Variants in IFT81 observed in about 807,000 individuals in gnomAD.
The protein encoded by IFT81 is intraflagellar transport 81.
In IFT81, 72 loss-of-function variants were observed where a neutral mutation model predicts 102.6. The ratio of observed to expected loss-of-function variants is 0.70; its 90% CI spans 0.58 to 0.85. The LOEUF (loss-of-function observed/expected upper bound fraction) is 0.85, where lower values mean the gene tolerates loss of function less well. Among genes scored for constraint, IFT81 ranks in the 40% least tolerant of loss-of-function variants. The probability of loss-of-function intolerance (pLI) is 0.00; values close to 1 mark genes in which losing one functional copy is unlikely to be tolerated. For missense variants in IFT81, 723 were observed against 787.3 expected (o/e 0.92, Z 0.98); for synonymous variants, 237 against 242.7 (o/e 0.98, Z 0.22).
At chr12:110,202,372 A>T (rs1189698639) in intron 14 of IFT81, among the ~76,000 whole-genome samples, 1 of 152,212 alleles carries the variant, frequency 6.6e-6, no homozygotes, top group African/African-American at 2.4e-5. Context: ...CTTTGAAACA[A>T]CTTAAAGAAA....
intron 8 of IFT81, among the ~76,000 whole-genome samples, chr12:110,141,107 C>T (rs928446940): frequency 6.6e-6 from 1 of 152,114 alleles, no homozygotes; most frequent in Non-Finnish European, 1.5e-5. Context: ...TCACCGCAAC[C>T]TCTGCCTCCC....
chr12:110,182,833 G>A (rs1897362242), intron 12 of IFT81, among the ~76,000 whole-genome samples: 3 of 152,184 alleles, frequency 2.0e-5, no homozygotes, highest in Admixed American at 2.0e-4. Flanking sequence ...TGGAAGGGAA[G>A]CATAATTCCC....
chr12:110,134,393 T>C (rs1894360797), intron 5 of IFT81, among the ~76,000 whole-genome samples: 1 of 152,210 alleles, frequency 6.6e-6, no homozygotes, highest in South Asian at 2.1e-4. Flanking sequence ...TTGTTTGTTT[T>C]TATAACAAAA....
chr12:110,216,899 G>C (rs1280641657), intron 18 of IFT81: 2 of 199,478 alleles, frequency 1.0e-5, no homozygotes, highest in African/African-American at 4.8e-5. Flanking sequence ...TACTGATCCT[G>C]TTGGTTTCTT....
At chr12:110,192,860 G>A (rs1237541202) in intron 14 of IFT81, among the ~76,000 whole-genome samples, 154 bp downstream of exon 14, 1 of 152,064 alleles carries the variant, frequency 6.6e-6, no homozygotes, top group African/African-American at 2.4e-5. Context: ...CTTCAAAAGA[G>A]AATTAAAACA....
intron 12 of IFT81, among the ~76,000 whole-genome samples, chr12:110,184,619 G>A (rs1483409352): frequency 2.6e-5 from 4 of 152,220 alleles, no homozygotes; most frequent in Non-Finnish European, 5.9e-5. Context: ...AGCAGGAGGA[G>A]GCAGGGAAAG....
rs79458840 is a variant in IFT81 at position 110,192,555 on chromosome 12, A to C, written c.1468-62A>C. The C allele has an allele frequency of 4.0e-3, 3,321 of 825,604 alleles. 81 individuals carry two copies. In the African/African-American group the frequency reaches 0.053, roughly 13 times the overall value. 51.1% of individuals were successfully genotyped at this position (825,604 alleles called of 1,614,324 possible). A position where few individuals can be genotyped will look rare whatever the true frequency, so the allele number is the denominator to read the frequency against. ...AACACTGAAATTAATATCTTTATGC[A>C]TGTAGTATTTTTCTTTTTTTGAATT... On this transcript the variant is annotated intron_variant, in intron 13 of 18. Coordinates refer to ENST00000242591, the MANE Select transcript of IFT81 (RefSeq NM_014055.4).
Position 110,143,543 on chromosome 12 carries a change from A to G in IFT81, c.943A>G (p.Lys315Glu). ...GHSDLLELES[K>E]INEINTEINQ... The stretch of plus-strand genomic sequence containing the variant: ...TTCTGATCTTCTTGAACTTGAATCT[A>G]AAGTAAGTGAGAATCATCTTTTTAT... The change falls in exon 9 of 19, where the codon AAA becomes GAA. Residue 315 changes from lysine to glutamate, a missense_variant and splice_region_variant. Coordinates refer to ENST00000242591, the MANE Select transcript of IFT81 (RefSeq NM_014055.4). 6.5e-7 allele frequency: 1 copy of G among 1,541,006 alleles called. No individual in the cohort carries two copies. The highest frequency in any genetic ancestry group is 8.7e-7 in the Non-Finnish European group (1 of 1,155,658).
intron 10 of IFT81, among the ~76,000 whole-genome samples, chr12:110,156,629 T>TG (rs1289193456): frequency 3.3e-5 from 5 of 152,108 alleles, no homozygotes; most frequent in Non-Finnish European, 7.4e-5. Flanking sequence ...CCCGAGTAGC[T>TG]GGGACTACAG....
At chr12:110,192,036 T>G (rs1312074764) in intron 13 of IFT81, among the ~76,000 whole-genome samples, 1 of 152,030 alleles carries the variant, frequency 6.6e-6, no homozygotes, top group Non-Finnish European at 1.5e-5. Flanking sequence ...CCGGGCGTGG[T>G]GTCGCACTCC....
At chr12:110,162,104 T>G (rs573904588) in intron 10 of IFT81, among the ~76,000 whole-genome samples, 8 of 152,264 alleles carry the variant, frequency 5.3e-5, no homozygotes, top group African/African-American at 1.9e-4. Context: ...TTTATTAGAA[T>G]GGCCCAAATA....
In IFT81 at chr12:110,192,674, A is replaced by G. The variant is rs1897849626; in HGVS notation, c.1525A>G (p.Lys509Glu). ...GAAGTCAGCTCTTGCCTCAGTTATAAAAGAGCTACGACAGTTGCGTCAAAA... is the reference window on the plus strand; with the variant it reads ...GAAGTCAGCTCTTGCCTCAGTTATAGAAGAGCTACGACAGTTGCGTCAAAA... ...EKKSALASVI[K>E]ELRQLRQKYQ... Residue 509 changes from lysine to glutamate, a missense_variant, in exon 14 of 19, where the codon AAA becomes GAA. By Grantham distance (56) the Lys-to-Glu change is moderately conservative (BLOSUM62 1). Coordinates refer to ENST00000242591, the MANE Select transcript of IFT81 (RefSeq NM_014055.4). 5 of 1,591,604 alleles carry G rather than the reference A, an allele frequency of 3.1e-6. No individual in the cohort carries two copies. The highest frequency in any genetic ancestry group is 3.4e-6 in the Non-Finnish European group (4 of 1,169,304).
chr12:110,190,836 T>C (rs1200750828), intron 12 of IFT81, 84 bp from the exon 13 acceptor site: 3 of 1,216,320 alleles, frequency 2.5e-6, no homozygotes, highest in Non-Finnish European at 3.3e-6. Context: ...TACAATTTTT[T>C]GTTATGTATG....
intron 11 of IFT81, 21 bp from the exon 12 acceptor site, chr12:110,180,401 C>T (rs747794658): frequency 1.3e-6 from 2 of 1,520,274 alleles, no homozygotes; most frequent in Non-Finnish European, 1.8e-6. Flanking sequence ...CATTAGATTA[C>T]ATATTGTGTT....
At chr12:110,167,935 T>TCC in intron 11 of IFT81, 1 of 232,804 alleles carries the variant, frequency 4.3e-6, no homozygotes, top group Non-Finnish European at 8.7e-6. Flanking sequence ...TACTGCAGCC[T>TCC]GAAACTCCTA....
At chr12:110,152,295 T>C (rs1043917261) in intron 10 of IFT81, among the ~76,000 whole-genome samples, 3 of 152,212 alleles carry the variant, frequency 2.0e-5, no homozygotes, top group Non-Finnish European at 4.4e-5. Context: ...TTCCCTTTTC[T>C]TCACATTGTC....
Position 110,132,605 on chromosome 12 carries a change from T to G in IFT81, c.488T>G (p.Ile163Arg), listed in dbSNP as rs1894237201. Residue 163 changes from isoleucine to arginine, a missense_variant, in exon 5 of 19, where the codon ATA becomes AGA. Coordinates refer to ENST00000242591, the MANE Select transcript of IFT81 (RefSeq NM_014055.4). ...CATAAAGAATATGAGCAGCTCAAGA[T>G]ATCTGGATTTTCTACAGCAGAAATA... is the stretch of plus-strand genomic sequence containing the variant. ...TLHKEYEQLK[I>R]SGFSTAEIRK... The G allele has an allele frequency of 2.5e-6, 4 of 1,582,102 alleles. No homozygotes were observed. The highest frequency in any genetic ancestry group is 3.5e-6 in the Non-Finnish European group (4 of 1,155,942).
intron 18 of IFT81, 28 bp from the exon 19 acceptor site, chr12:110,218,016 A>C (rs1870353387): frequency 6.6e-7 from 1 of 1,517,462 alleles, no homozygotes; most frequent in East Asian, 2.3e-5. Context: ...ACTGAGATTT[A>C]ATTATTCTTG....
At chr12:110,202,231 G>T (rs1322399872) in intron 14 of IFT81, among the ~76,000 whole-genome samples, 1 of 152,088 alleles carries the variant, frequency 6.6e-6, no homozygotes, top group Non-Finnish European at 1.5e-5. Flanking sequence ...AATCATATGG[G>T]ACTGCCATCA....
Sources: allele counts gnomAD v4.1 joint callset (sites outside exome capture counted in the v4.1 genomes callset), GRCh38; gene constraint gnomAD v4.1.1; transcripts MANE v1.5; gene names NCBI Gene and HGNC (gene_info 2026-07-23, HGNC 2026-07-21).